Variants in ASIC2 observed in about 807,000 individuals in gnomAD.
ASIC2 encodes the protein acid-sensing ion channel 2.
In ASIC2, 25 loss-of-function variants were observed where a neutral mutation model predicts 57.3. That is an observed-to-expected ratio of 0.44 (90% CI 0.32 to 0.61). The LOEUF (loss-of-function observed/expected upper bound fraction) is 0.61, where lower values mean the gene tolerates loss of function less well. ASIC2 is among the 20% of genes least tolerant of loss of function. The pLI, the probability that ASIC2 is intolerant of heterozygous loss-of-function variation, is 0.06. For synonymous variants in ASIC2, 319 were observed against 307.5 expected (o/e 1.04, Z -0.39); for missense variants, 641 against 738.1 (o/e 0.87, Z 1.52).
intron 1 of ASIC2, chr17:33,692,468 T>C (rs961675566): frequency 6.6e-6 from 1 of 152,186 alleles, no homozygotes; most frequent in Non-Finnish European, 1.5e-5. Flanking sequence ...TAACATAAGG[T>C]ACTCTGGACA....
At chr17:34,034,965 C>T (rs949475063) in intron 1 of ASIC2, among the ~76,000 whole-genome samples, 26 of 151,892 alleles carry the variant, frequency 1.7e-4, no homozygotes, top group Non-Finnish European at 1.2e-4. Flanking sequence ...TCAATGCCAT[C>T]CCCATCAAGC....
intron 1 of ASIC2, among the ~76,000 whole-genome samples, chr17:33,991,026 T>C (rs1202816828): frequency 6.6e-6 from 1 of 152,238 alleles, no homozygotes; most frequent in African/African-American, 2.4e-5. Context: ...TCAAATTCTC[T>C]AGCTTCTAAC....
intron 1 of ASIC2, among the ~76,000 whole-genome samples, chr17:33,601,837 G>A (rs1244343586): frequency 5.9e-5 from 9 of 152,228 alleles, no homozygotes; most frequent in Admixed American, 2.0e-4. Flanking sequence ...CGGGATGCAG[G>A]ACATGGAGTC....
intron 1 of ASIC2, among the ~76,000 whole-genome samples, chr17:33,173,564 A>T (rs1006516711): frequency 6.6e-6 from 1 of 152,196 alleles, no homozygotes; most frequent in Admixed American, 6.5e-5. Context: ...CCCATGGCTG[A>T]AAGTTCATAA....
At chr17:33,724,964 A>G (rs1909499936) in intron 1 of ASIC2, among the ~76,000 whole-genome samples, 1 of 152,180 alleles carries the variant, frequency 6.6e-6, no homozygotes, top group African/African-American at 2.4e-5. Context: ...GCTAGAAGTT[A>G]CTGAACTGAA....
intron 1 of ASIC2, among the ~76,000 whole-genome samples, chr17:34,149,493 C>A (rs187159051): frequency 1.5e-3 from 221 of 152,284 alleles, no homozygotes; most frequent in Non-Finnish European, 2.9e-3. Context: ...ACAACAATTT[C>A]ACCATATATC....
chr17:33,789,416 T>C (rs1447536547), intron 1 of ASIC2, among the ~76,000 whole-genome samples: 1 of 151,730 alleles, frequency 6.6e-6, no homozygotes, highest in Non-Finnish European at 1.5e-5. Context: ...CCCCATTTTA[T>C]AGACAAGGAA....
chr17:34,033,604 G>T (rs1243336506), intron 1 of ASIC2, among the ~76,000 whole-genome samples: 1 of 152,088 alleles, frequency 6.6e-6, no homozygotes, highest in Non-Finnish European at 1.5e-5. Flanking sequence ...CAACGAAATT[G>T]ATAGACCGTT....
intron 1 of ASIC2, among the ~76,000 whole-genome samples, chr17:33,928,320 C>G (rs1224263099): frequency 6.6e-6 from 1 of 152,180 alleles, no homozygotes; most frequent in Non-Finnish European, 1.5e-5. Context: ...CCTGGTACGG[C>G]AGGGACTCTG....
intron 1 of ASIC2, among the ~76,000 whole-genome samples, chr17:33,902,882 A>G (rs1425369348): frequency 2.6e-5 from 4 of 152,136 alleles, no homozygotes; most frequent in Admixed American, 2.0e-4. Context: ...TCAATGTCAA[A>G]CCCATCTGAA....
intron 1 of ASIC2, among the ~76,000 whole-genome samples, chr17:33,343,929 G>A (rs984820160): frequency 9.2e-5 from 14 of 152,202 alleles, no homozygotes; most frequent in Admixed American, 9.2e-4. Flanking sequence ...GGACCGCCCT[G>A]TGTCTTGCAA....
chr17:33,099,520 C>T (rs1401579427), intron 2 of ASIC2, among the ~76,000 whole-genome samples: 1 of 152,156 alleles, frequency 6.6e-6, no homozygotes, highest in African/African-American at 2.4e-5. Context: ...TTCATTCCTG[C>T]TAAACAGCAT....
At chr17:34,000,605 G>A (rs1452566017) in intron 1 of ASIC2, among the ~76,000 whole-genome samples, 1 of 152,116 alleles carries the variant, frequency 6.6e-6, no homozygotes, top group Non-Finnish European at 1.5e-5. Flanking sequence ...TCATAGGTAT[G>A]AGTGTTCATT....
intron 1 of ASIC2, among the ~76,000 whole-genome samples, chr17:33,811,083 C>CT (rs1327022937): frequency 6.6e-6 from 1 of 152,218 alleles, no homozygotes; most frequent in African/African-American, 2.4e-5. Flanking sequence ...TCACAGGACA[C>CT]TATTTTTCAG....
intron 1 of ASIC2, among the ~76,000 whole-genome samples, chr17:33,252,802 C>A (rs577187068): frequency 6.6e-6 from 1 of 152,230 alleles, no homozygotes; most frequent in East Asian, 1.9e-4. Context: ...CATCCAAGAA[C>A]TTGGCTTTTC....
rs576111051 is a variant in ASIC2, at chr17:33,711,003, T to C, written c.555+444975A>G. 4.6e-5 allele frequency among the ~76,000 whole-genome samples: 7 copies of C among 151,236 alleles called. No homozygotes were observed. In the East Asian group the frequency reaches 1.4e-3, roughly 29 times the overall value. ...GCTCTGTTATCCAGGCTGTCTGTCA[T>C]ACAGGGACATGATCATGGCTCACTG... On this transcript the variant is annotated intron_variant, in intron 1 of 9. Transcript: ENST00000359872.
chr17:33,369,805 T>C (rs1034418532), intron 1 of ASIC2, among the ~76,000 whole-genome samples: 2 of 152,210 alleles, frequency 1.3e-5, no homozygotes, highest in African/African-American at 4.8e-5. Flanking sequence ...AGTGCTGTTG[T>C]TGTTATTGAG....
intron 1 of ASIC2, among the ~76,000 whole-genome samples, chr17:33,163,196 C>T (rs1260787023): frequency 6.6e-6 from 1 of 152,166 alleles, no homozygotes; most frequent in Non-Finnish European, 1.5e-5. Context: ...TTAGAAAGGG[C>T]TCTCCTAGGC....
chr17:34,109,449 T>C (rs1185321715), intron 1 of ASIC2, among the ~76,000 whole-genome samples: 1 of 152,170 alleles, frequency 6.6e-6, no homozygotes, highest in African/African-American at 2.4e-5. Flanking sequence ...AAGACAAAGG[T>C]AAGTGTACAA....
Sources: gnomAD v4.1 joint callset for allele counts (sites outside exome capture counted in the v4.1 genomes callset) on GRCh38, gnomAD v4.1.1 for gene constraint, MANE v1.5 for transcripts, NCBI Gene and HGNC (gene_info 2026-07-23, HGNC 2026-07-21) for gene names.